The following SLC6A4 variants were observed in gnomAD, a reference collection of about 807,000 sequenced individuals.
SLC6A4 encodes solute carrier family 6 member 4, also known as sodium-dependent serotonin transporter.
In SLC6A4, 22 loss-of-function variants were observed where a neutral mutation model predicts 73.4. The observed-to-expected ratio is 0.30, with a 90% CI of 0.21 to 0.43. SLC6A4 has a LOEUF of 0.43. Ranked by LOEUF, SLC6A4 falls within the 20% of genes least tolerant of loss-of-function variation. The probability of loss-of-function intolerance (pLI) is 1.00; values close to 1 mark genes in which losing one functional copy is unlikely to be tolerated. For missense variants in SLC6A4, 593 were observed against 808.5 expected (o/e 0.73, Z 3.23); for synonymous variants, 270 against 315.5 (o/e 0.86, Z 1.53).
rs888920681 is a variant in SLC6A4, at chr17:30,216,837, GTTTT to G, written c.837+325_837+328del. 9.1e-3 allele frequency among the ~76,000 whole-genome samples: 1,230 copies of G among 134,806 alleles called. 22 individuals carry two copies. The highest frequency in any genetic ancestry group is 0.031 in the African/African-American group (1,174 of 38,400). The allele number at this position is 134,806 out of a possible 152,430, so 88.4% of individuals were successfully genotyped here. A position where few individuals can be genotyped will look rare whatever the true frequency, so the allele number is the denominator to read the frequency against. On this transcript the variant is annotated intron_variant, in intron 6 of 14. Coordinates refer to ENST00000650711, the MANE Select transcript of SLC6A4 (RefSeq NM_001045.6). Reference sequence around the variant, plus strand: ...GCACCTGCCACCACACCTGGCTATTGTTTTTTTTTGTTTGTTTGTTTGTTTGTTT... The same window carrying G: ...GCACCTGCCACCACACCTGGCTATTGTTTTTGTTTGTTTGTTTGTTTGTTT...
Position 30,218,079 on chromosome 17 carries a change from T to C in SLC6A4, c.698+39A>G, listed in dbSNP as rs771632632. On this transcript the variant is annotated intron_variant, in intron 5 of 14. Coordinates refer to ENST00000650711, the MANE Select transcript of SLC6A4 (RefSeq NM_001045.6). ...GAAGCCAAACCCCAGGGGTGTGGCC[T>C]GCCCCTAACAGGCCAACCCCTCACT... 9 of 1,551,176 alleles carry C rather than the reference T, an allele frequency of 5.8e-6. No homozygotes were observed. In the Admixed American group the frequency reaches 1.5e-4, roughly 26 times the overall value.
At chr17:30,225,865 GA>G (rs1251298945) in intron 1 of SLC6A4, among the ~76,000 whole-genome samples, 1 of 152,098 alleles carries the variant, frequency 6.6e-6, no homozygotes, top group Non-Finnish European at 1.5e-5. Context: ...CCCAATCCCT[GA>G]CTCCAAGTAA....
chr17:30,206,333 A>G (rs1235005555), intron 13 of SLC6A4: 1 of 152,018 alleles, frequency 6.6e-6, no homozygotes. Context: ...ACATCAGTTT[A>G]CCCCAGGCTA....
intron 1 of SLC6A4, among the ~76,000 whole-genome samples, chr17:30,234,596 C>A (rs1390939023): frequency 1.3e-5 from 2 of 152,158 alleles, no homozygotes; most frequent in Admixed American, 6.5e-5. Context: ...GCCCACAGTT[C>A]TCTGTTTCAT....
chr17:30,200,198 C>T (rs1313004608), intron 14 of SLC6A4, among the ~76,000 whole-genome samples: 5 of 152,228 alleles, frequency 3.3e-5, no homozygotes. Context: ...CTTACCTACC[C>T]ACATGGGCTG....
intron 12 of SLC6A4, 50 bp from the exon 13 acceptor site, chr17:30,207,882 C>G: frequency 7.7e-7 from 1 of 1,301,496 alleles, no homozygotes. Flanking sequence ...AGGACATGGG[C>G]TGTGCTGCTG....
chr17:30,234,990 T>C (rs9910814), intron 1 of SLC6A4, among the ~76,000 whole-genome samples: 1,729 of 152,266 alleles, frequency 0.011, 25 homozygotes, highest in African/African-American at 0.039. Flanking sequence ...ATGATGGTTA[T>C]ATCCTTCAAC....
intron 1 of SLC6A4, among the ~76,000 whole-genome samples, chr17:30,232,262 T>G (rs1907134952): frequency 6.6e-6 from 1 of 152,200 alleles, no homozygotes; most frequent in Non-Finnish European, 1.5e-5. Context: ...AAGCACACAA[T>G]GGGTTCGCTG....
intron 1 of SLC6A4, among the ~76,000 whole-genome samples, chr17:30,230,045 A>AAGAAG (rs1395079745): frequency 9.0e-6 from 1 of 111,066 alleles, no homozygotes; most frequent in Non-Finnish European, 1.8e-5. Context: ...GAAAAAGAAG[A>AAGAAG]AAGAAGAAGA....
intron 1 of SLC6A4, among the ~76,000 whole-genome samples, chr17:30,231,910 A>G (rs372794555): frequency 3.0e-4 from 45 of 152,240 alleles, no homozygotes; most frequent in East Asian, 2.7e-3. Context: ...AGGGAAGAGA[A>G]GAGAGCGAAA....
At chr17:30,204,953 G>A (rs1205078828) in intron 13 of SLC6A4, among the ~76,000 whole-genome samples, 1 of 152,076 alleles carries the variant, frequency 6.6e-6, no homozygotes, top group Non-Finnish European at 1.5e-5. Context: ...GAAACGAACA[G>A]CCCCAAGCCC....
At position 30,196,528 on chromosome 17, in the gene SLC6A4, C is replaced by T. The variant is rs202169498; in HGVS notation, c.*1928G>A. The T allele has an allele frequency of 1.3e-5, 2 of 152,280 alleles. No homozygotes were observed. Among genetic ancestry groups the T allele is most frequent in the African/African-American group, 2.4e-5 (1 of 41,496 alleles). 9.4% of individuals were successfully genotyped at this position (152,280 alleles called of 1,614,324 possible). ...ATGTGGGGTGGGGAGAATCCATATC[C>T]GAATATCTTCATAAAGCAAGTTCTT... On this transcript the variant is annotated 3_prime_UTR_variant, in exon 15 of 15. Coordinates refer to ENST00000650711, the MANE Select transcript of SLC6A4 (RefSeq NM_001045.6).
At chr17:30,215,988 A>G (rs1334776516) in intron 7 of SLC6A4, 94 bp downstream of exon 7, 3 of 1,135,066 alleles carry the variant, frequency 2.6e-6, no homozygotes, top group Non-Finnish European at 2.6e-6. Flanking sequence ...CACTGAAGCC[A>G]CATTTCAGTT....
Position 30,216,195 on chromosome 17 carries a change from A to C in SLC6A4, c.859T>G (p.Phe287Val). The change falls in exon 7 of 15, where the codon TTC (phenylalanine) becomes GTC (valine). Residue 287 changes from phenylalanine (F) to valine (V), a missense_variant. Coordinates refer to ENST00000650711, the MANE Select transcript of SLC6A4 (RefSeq NM_001045.6). ...AGGACAGAAAGGATGATATAAGGGA[A>C]GGTGGCTGTCACCCACACCACCTGT... Reference protein sequence around the residue: ...SGKVVWVTATFPYIILSVLLV... With the variant: ...SGKVVWVTATVPYIILSVLLV... The C allele has an allele frequency of 6.6e-7, 1 of 1,519,324 alleles. No homozygotes were observed. The highest frequency in any genetic ancestry group is 8.9e-7 in the Non-Finnish European group (1 of 1,119,502). The allele number at this position is 1,519,324 out of a possible 1,614,324, so 94.1% of individuals were successfully genotyped here.
intron 12 of SLC6A4, 93 bp downstream of exon 12, chr17:30,209,050 C>A: frequency 1.2e-6 from 1 of 835,584 alleles, no homozygotes. Context: ...TTGTAAACTG[C>A]CCCTCACAGC....
Position 30,217,170 on chromosome 17 carries a change from C to T in SLC6A4, c.833G>A (p.Gly278Asp). 6.2e-7 allele frequency: 1 copy of T among 1,613,464 alleles called. No homozygotes were observed. The highest frequency in any genetic ancestry group is 8.5e-7 in the Non-Finnish European group (1 of 1,179,656). ...AGCAGCCAGAGCCTTCCTCACCTTG[C>T]CAGAGGTCTTGACGCCTTTCCAGAT... ...FSIWKGVKTS[G>D]KVVWVTATFP... The change falls in exon 6 of 15, where the codon GGC (glycine) becomes GAC (aspartate). Residue 278 changes from glycine (G) to aspartate (D), a missense_variant. Physicochemically the swap from Gly to Asp is moderately conservative, Grantham distance 94. Transcript: ENST00000650711.
Position 30,211,257 on chromosome 17 carries a change from C to T in SLC6A4, c.1317+55G>A. 8.4e-7 allele frequency: 1 copy of T among 1,194,354 alleles called. No individual in the cohort carries two copies. The highest frequency in any genetic ancestry group is 1.2e-6 in the Non-Finnish European group (1 of 807,986). The allele number at this position is 1,194,354 out of a possible 1,614,324, so 74.0% of individuals were successfully genotyped here. ...GGAGGGAATTGAGTCCAGCTGAGTC[C>T]TCCTCCTTTCCTCTTCATCCTCCCA... On this transcript the variant is annotated intron_variant, in intron 10 of 14. Transcript: ENST00000650711. This position sits in a 1 kb window ranked among gnomAD's most constrained non-coding sequence, Gnocchi z 4.0.
In SLC6A4 at chr17:30,230,128, G is replaced by A. The variant is rs573087963; in HGVS notation, c.-221+5485C>T. 2.9e-3 allele frequency among the ~76,000 whole-genome samples: 389 copies of A among 135,252 alleles called. 1 individual carries two copies. Among genetic ancestry groups the A allele is most frequent in the Middle Eastern group, 0.019 (5 of 264 alleles). The allele number at this position is 135,252 out of a possible 152,430, so 88.7% of individuals were successfully genotyped here. On this transcript the variant is annotated intron_variant, in intron 1 of 14. Coordinates refer to ENST00000650711, the MANE Select transcript of SLC6A4 (RefSeq NM_001045.6). ...AAGAGGAAGAGGAAGAGGAAGAGGA[G>A]GAGGAGGAGGAGGAGGAGGAGGAAG...
chr17:30,229,704 C>G (rs1480740782), intron 1 of SLC6A4, among the ~76,000 whole-genome samples: 2 of 151,826 alleles, frequency 1.3e-5, no homozygotes, highest in Admixed American at 1.3e-4. Flanking sequence ...TGAGCCACTG[C>G]GCCTGGTCCA....
Sources: allele counts gnomAD v4.1 joint callset (sites outside exome capture counted in the v4.1 genomes callset), GRCh38; gene constraint gnomAD v4.1.1; non-coding constraint Gnocchi (gnomAD v3.1); transcripts MANE v1.5; gene names NCBI Gene and HGNC (gene_info 2026-07-23, HGNC 2026-07-21).